Variants in ZHX2 observed in about 807,000 individuals in gnomAD.
The protein encoded by ZHX2 is zinc fingers and homeoboxes 2.
In ZHX2, 6 loss-of-function variants were observed where a neutral mutation model predicts 21.9. The observed-to-expected ratio is 0.27, with a 90% CI of 0.15 to 0.54. The LOEUF (loss-of-function observed/expected upper bound fraction) is 0.54. ZHX2 is among the 20% of genes least tolerant of loss of function. The pLI, the probability that ZHX2 is intolerant of heterozygous loss-of-function variation, is 0.95. For synonymous variants in ZHX2, 434 were observed against 437.1 expected (o/e 0.99, Z 0.09); for missense variants, 908 against 1,090.7 (o/e 0.83, Z 2.36).
intron 2 of ZHX2, among the ~76,000 whole-genome samples, chr8:122,912,824 G>A (rs1820513964): frequency 1.3e-5 from 2 of 152,028 alleles, no homozygotes; most frequent in South Asian, 4.1e-4. Context: ...AACCCTAGGA[G>A]CAACCAAGAA....
At chr8:122,910,049 T>A (rs928760571) in intron 2 of ZHX2, among the ~76,000 whole-genome samples, 1 of 151,818 alleles carries the variant, frequency 6.6e-6, no homozygotes, top group South Asian at 2.1e-4. Flanking sequence ...GACATCCTCC[T>A]TCCCTCTCTT....
intron 2 of ZHX2, among the ~76,000 whole-genome samples, chr8:122,949,826 A>T (rs1365964296): frequency 6.6e-6 from 1 of 152,176 alleles, no homozygotes; most frequent in Non-Finnish European, 1.5e-5. Flanking sequence ...AGCCCAGGAG[A>T]TAGAGGCTGC....
chr8:122,925,935 TG>T (rs201457410), intron 2 of ZHX2, among the ~76,000 whole-genome samples: 2 of 151,448 alleles, frequency 1.3e-5, no homozygotes, highest in Admixed American at 6.6e-5. Flanking sequence ...TGGGACAGAG[TG>T]GGGGGGCACA....
At position 122,973,973 on chromosome 8, in the gene ZHX2, A is replaced by G. The variant is rs759596824; in HGVS notation, c.*736A>G. The G allele has an allele frequency of 6.5e-6, 1 of 152,676 alleles. No homozygotes were observed. The highest frequency in any genetic ancestry group is 6.5e-5 in the Admixed American group (1 of 15,282). The allele number at this position is 152,676 out of a possible 1,614,324, so 9.5% of individuals were successfully genotyped here. On this transcript the variant is annotated 3_prime_UTR_variant, in exon 4 of 4. Transcript: ENST00000314393. ...TCTCAACTGCTCGGCCTCTTGGGCC[A>G]GGCTGTGCCCAGCCAGCCCTGGGAG...
At position 122,951,345 on chromosome 8, in the gene ZHX2, T is replaced by C; in HGVS notation, c.-166T>C. The C allele has an allele frequency of 1.6e-6, 1 of 640,408 alleles. No homozygotes were observed. Among genetic ancestry groups the C allele is most frequent in the Non-Finnish European group, 2.7e-6 (1 of 375,684 alleles). 39.7% of individuals were successfully genotyped at this position (640,408 alleles called of 1,614,324 possible). A position where few individuals can be genotyped will look rare whatever the true frequency, so the allele number is the denominator to read the frequency against. On this transcript the variant is annotated 5_prime_UTR_variant, in exon 3 of 4. An upstream open reading frame in the 5' UTR loses its in-frame stop. Transcript: ENST00000314393. Reference sequence around the variant, plus strand: ...TTGGTGCCATTCCAATTTTCTGTGCTGAAATCATTCTGAAAACTCAAACAG... The same window carrying C: ...TTGGTGCCATTCCAATTTTCTGTGCCGAAATCATTCTGAAAACTCAAACAG...
At chr8:122,859,477 G>T (rs1474106782) in intron 1 of ZHX2, among the ~76,000 whole-genome samples, 5 of 152,186 alleles carry the variant, frequency 3.3e-5, no homozygotes, top group African/African-American at 1.2e-4. Flanking sequence ...CATTAATTAG[G>T]GTAAGAGTGA....
Position 122,784,835 on chromosome 8 carries a change from C to T in ZHX2, c.-283+2889C>T. ...GTTAGCTAACTTGCCCAAGTCCAAA[C>T]AGCTAGTAAGCGGAGTGGCAGCCCC... On this transcript the variant is annotated intron_variant, in intron 1 of 3. Coordinates refer to ENST00000314393, the MANE Select transcript of ZHX2 (RefSeq NM_014943.5). 1.3e-5 allele frequency among the ~76,000 whole-genome samples: 2 copies of T among 152,232 alleles called. 1 individual carries two copies. Among genetic ancestry groups the T allele is most frequent in the South Asian group, 4.1e-4 (2 of 4,836 alleles).
In ZHX2 at chr8:122,782,868, T is replaced by C. The variant is rs1409318741; in HGVS notation, c.-283+922T>C. Among the ~76,000 whole-genome samples the C allele has an allele frequency of 1.3e-5, 2 of 152,202 alleles. No homozygotes were observed. Among genetic ancestry groups the C allele is most frequent in the African/African-American group, 4.8e-5 (2 of 41,468 alleles). On this transcript the variant is annotated intron_variant, in intron 1 of 3. Coordinates refer to ENST00000314393, the MANE Select transcript of ZHX2 (RefSeq NM_014943.5). This position sits in a 1 kb window ranked among gnomAD's most constrained non-coding sequence, Gnocchi z 5.3. The stretch of plus-strand genomic sequence containing the variant: ...TTTCGTCTGCCCCACAAGAGGTTAA[T>C]CTTTGTTGGTGTTGCAGCTTCTTTG...
chr8:122,950,084 G>T (rs1349802242), intron 2 of ZHX2, among the ~76,000 whole-genome samples: 1 of 152,146 alleles, frequency 6.6e-6, no homozygotes, highest in Non-Finnish European at 1.5e-5. Flanking sequence ...GAAAAGGCCA[G>T]TTGAGGCCAA....
intron 2 of ZHX2, among the ~76,000 whole-genome samples, chr8:122,887,959 A>G (rs1396765601): frequency 6.6e-6 from 1 of 152,174 alleles, no homozygotes; most frequent in Admixed American, 6.5e-5. Flanking sequence ...GGCTCTGGCC[A>G]GTCGGAGAGC....
intron 2 of ZHX2, among the ~76,000 whole-genome samples, chr8:122,915,872 A>G (rs1820587393): frequency 6.6e-6 from 1 of 152,244 alleles, no homozygotes; most frequent in Non-Finnish European, 1.5e-5. Flanking sequence ...AATGTTTTGC[A>G]GGCAAGGAAA....
chr8:122,821,269 C>T (rs1482293318), intron 1 of ZHX2, among the ~76,000 whole-genome samples: 1 of 152,150 alleles, frequency 6.6e-6, no homozygotes. Flanking sequence ...TGGACGGGAA[C>T]TAGAGTTCTG....
At chr8:122,935,835 G>A (rs1045696605) in intron 2 of ZHX2, among the ~76,000 whole-genome samples, 8 of 151,994 alleles carry the variant, frequency 5.3e-5, no homozygotes, top group Non-Finnish European at 1.2e-4. Context: ...ACGCCCGGCC[G>A]AGAGTCACTC....
chr8:122,963,158 G>A (rs572976218), intron 3 of ZHX2, among the ~76,000 whole-genome samples: 2 of 152,236 alleles, frequency 1.3e-5, no homozygotes, highest in Admixed American at 1.3e-4. Flanking sequence ...TGTTTTTGCT[G>A]CATTTGCTTT....
chr8:122,942,190 A>G (rs1235104560), intron 2 of ZHX2, among the ~76,000 whole-genome samples: 1 of 151,204 alleles, frequency 6.6e-6, no homozygotes. Flanking sequence ...CATTGCCACA[A>G]CATATCTACC....
intron 2 of ZHX2, among the ~76,000 whole-genome samples, chr8:122,939,985 A>G (rs1812801161): frequency 6.6e-6 from 1 of 152,214 alleles, no homozygotes; most frequent in African/African-American, 2.4e-5. Flanking sequence ...TCAGTGTCAA[A>G]GGTCCTCATT....
chr8:122,971,612 A>C (rs1417299641), intron 3 of ZHX2, among the ~76,000 whole-genome samples: 3 of 33,070 alleles, frequency 9.1e-5, no homozygotes. Context: ...GCCCCTGTAC[A>C]AAAAAAAAAA....
rs775064410 is a variant in ZHX2, at chr8:122,952,763, C to G, written c.1253C>G (p.Pro418Arg). ...PLVTPQAAPE[P>R]KRPHIAQVPE... ...GTGACTCCCCAAGCTGCCCCCGAAC[C>G]CAAGCGTCCACACATCGCTCAGGTG... is the stretch of plus-strand genomic sequence containing the variant. Residue 418 changes from proline (P) to arginine (R), a missense_variant, in exon 3 of 4, where the codon CCC becomes CGC. By Grantham distance (103) the Pro-to-Arg change is moderately radical. Transcript: ENST00000314393. This position sits in a 1 kb window ranked among gnomAD's most constrained non-coding sequence, Gnocchi z 6.9. The G allele has an allele frequency of 1.2e-5, 19 of 1,614,016 alleles. No homozygotes were observed. The highest frequency in any genetic ancestry group is 1.4e-5 in the Non-Finnish European group (17 of 1,180,040).
At chr8:122,817,916 C>T (rs1186286358) in intron 1 of ZHX2, among the ~76,000 whole-genome samples, 1 of 152,192 alleles carries the variant, frequency 6.6e-6, no homozygotes, top group Non-Finnish European at 1.5e-5. Flanking sequence ...TTATGAGATC[C>T]TTGAGTGGAA....
Sources: gnomAD v4.1 joint callset for allele counts (sites outside exome capture counted in the v4.1 genomes callset) on GRCh38, gnomAD v4.1.1 for gene constraint, Gnocchi (gnomAD v3.1) non-coding constraint, MANE v1.5 for transcripts, NCBI Gene and HGNC (gene_info 2026-07-23, HGNC 2026-07-21) for gene names.